Variants in RBM6 observed in about 807,000 individuals in gnomAD.
RBM6 encodes the protein RNA-binding protein 6.
In RBM6, 23 loss-of-function variants were observed where a neutral mutation model predicts 140.4. That is an observed-to-expected ratio of 0.16 (90% confidence interval 0.12 to 0.23). The LOEUF (loss-of-function observed/expected upper bound fraction) is 0.23. Among genes scored for constraint, RBM6 ranks in the 10% least tolerant of loss-of-function variants. RBM6 has a pLI of 1.00. For synonymous variants in RBM6, 439 were observed against 475.6 expected, an observed-to-expected ratio of 0.92 and a Z score of 1.00; for missense variants, 1,139 against 1,386.7, an observed-to-expected ratio of 0.82 and a Z score of 2.84.
At chr3:50,063,978 G>A (rs1202712065) in intron 15 of RBM6, among the ~76,000 whole-genome samples, 1 of 151,868 alleles carries the variant, frequency 6.6e-6, no homozygotes, top group Non-Finnish European at 1.5e-5. Flanking sequence ...CGCCCAGGCT[G>A]GAGTGCAGTG....
rs890801910 is a variant in RBM6, at chr3:50,009,740, G to A, written c.1557+10227G>A. ...ACCTGGCTAATTTTGAGGGGGTAGA[G>A]GGGAGGTACAGATGAGATCTCACTG... On this transcript the variant is annotated intron_variant, in intron 6 of 20. Coordinates refer to ENST00000266022, the MANE Select transcript of RBM6 (RefSeq NM_005777.3). Among the ~76,000 whole-genome samples, 5 of 151,568 alleles carry A rather than the reference G, an allele frequency of 3.3e-5. No individual in the cohort carries two copies. In the South Asian group the frequency reaches 8.4e-4, roughly 25 times the overall value.
At chr3:50,076,914 C>T (rs2090480394) in intron 20 of RBM6, 94 bp from the exon 21 acceptor site, 1 of 1,292,926 alleles carries the variant, frequency 7.7e-7, no homozygotes, top group Admixed American at 2.9e-5. Flanking sequence ...CTATATACTG[C>T]TTCTTACTAG....
chr3:50,034,995 C>T (rs983738634), intron 6 of RBM6, among the ~76,000 whole-genome samples: 1 of 126,752 alleles, frequency 7.9e-6, no homozygotes, highest in Non-Finnish European at 1.6e-5. Context: ...CTCTCCTCTT[C>T]CCTCTCCTCT....
rs547205457 is a variant in RBM6, at chr3:50,054,403, G to A, written c.1693+8G>A. The stretch of plus-strand genomic sequence containing the variant: ...GCAAGAACCCAAGAGAAGGTGAGTG[G>A]CGAAAGTGGTAGCAGTTTTTATCTC... On this transcript the variant is annotated splice_region_variant and intron_variant, in intron 8 of 20. Transcript: ENST00000266022. 3.1e-6 allele frequency: 5 copies of A among 1,607,724 alleles called. No individual in the cohort carries two copies. In the Admixed American group the frequency reaches 6.7e-5, roughly 21 times the overall value.
At chr3:50,002,304 C>T (rs1322722461) in intron 6 of RBM6, among the ~76,000 whole-genome samples, 1 of 151,392 alleles carries the variant, frequency 6.6e-6, no homozygotes, top group Admixed American at 6.6e-5. Flanking sequence ...CTCTGTTGCC[C>T]AGGCTGGAGT....
intron 1 of RBM6, among the ~76,000 whole-genome samples, chr3:49,958,540 C>T (rs2084117876): frequency 6.6e-6 from 1 of 151,742 alleles, no homozygotes; most frequent in Non-Finnish European, 1.5e-5. Flanking sequence ...CACGCCACTG[C>T]ACTCCAGCCT....
intron 6 of RBM6, among the ~76,000 whole-genome samples, chr3:50,046,078 C>T (rs899915520): frequency 6.6e-6 from 1 of 151,048 alleles, no homozygotes; most frequent in Non-Finnish European, 1.5e-5. Context: ...GTCAGGAGTT[C>T]GAGACCAGCC....
intron 3 of RBM6, among the ~76,000 whole-genome samples, chr3:49,970,321 C>G (rs1442723133): frequency 3.9e-5 from 6 of 152,110 alleles, no homozygotes; most frequent in Admixed American, 3.9e-4. Context: ...TTCAAGCAGT[C>G]CCCCCACCTT....
At chr3:49,976,653 A>G (rs2085076445) in intron 5 of RBM6, among the ~76,000 whole-genome samples, 1 of 152,202 alleles carries the variant, frequency 6.6e-6, no homozygotes, top group African/African-American at 2.4e-5. Flanking sequence ...CTGTGCTTTC[A>G]TTAAGTATTG....
At chr3:49,942,547 A>G (rs970808183) in intron 1 of RBM6, among the ~76,000 whole-genome samples, 33 of 151,484 alleles carry the variant, frequency 2.2e-4, no homozygotes, top group Non-Finnish European at 3.8e-4. Flanking sequence ...TACATTCACA[A>G]TGTAGTACAA....
At position 50,062,080 on chromosome 3, in the gene RBM6, A is replaced by G; in HGVS notation, c.2558A>G (p.Lys853Arg). The change falls in exon 15 of 21, where the codon AAG becomes AGG. Residue 853 changes from lysine to arginine, a missense_variant. Around this residue, in one of 9 missense-constraint regions of RBM6, gnomAD observed 163 missense variants for 182.8 expected, o/e 0.89. Transcript: ENST00000266022. ...AAGGAAATGTCTAAAAGAGATGGCA[A>G]GGAGAAAAAAGACAGAGGAGTGACG... ...SKKEMSKRDG[K>R]EKKDRGVTRF... The G allele has an allele frequency of 1.2e-6, 2 of 1,613,842 alleles. No homozygotes were observed. The highest frequency in any genetic ancestry group is 1.7e-6 in the Non-Finnish European group (2 of 1,179,882).
At chr3:50,037,740 G>A (rs911859201) in intron 6 of RBM6, among the ~76,000 whole-genome samples, 2 of 151,942 alleles carry the variant, frequency 1.3e-5, no homozygotes, top group African/African-American at 2.4e-5. Context: ...CTGGGTTCAA[G>A]CAGTTCTCCC....
intron 7 of RBM6, among the ~76,000 whole-genome samples, chr3:50,050,978 T>A (rs573471712): frequency 1.5e-4 from 23 of 152,240 alleles, no homozygotes; most frequent in African/African-American, 5.5e-4. Context: ...TTATCAGATA[T>A]ATGATTTATA....
chr3:50,013,561 G>A (rs887306413), intron 6 of RBM6, among the ~76,000 whole-genome samples: 15 of 152,040 alleles, frequency 9.9e-5, no homozygotes, highest in Non-Finnish European at 2.1e-4. Flanking sequence ...CCAGCTACTC[G>A]GGAGGCTGGA....
chr3:50,023,452 C>G (rs1170996787), intron 6 of RBM6, among the ~76,000 whole-genome samples: 3 of 151,732 alleles, frequency 2.0e-5, no homozygotes, highest in Non-Finnish European at 2.9e-5. Context: ...ATTACAGGTG[C>G]CTGCCACCAC....
At chr3:50,017,059 C>T (rs1284504558) in intron 6 of RBM6, among the ~76,000 whole-genome samples, 1 of 152,098 alleles carries the variant, frequency 6.6e-6, no homozygotes, top group African/African-American at 2.4e-5. Flanking sequence ...CTCCTAGGCT[C>T]AAGTGATCCT....
intron 6 of RBM6, among the ~76,000 whole-genome samples, chr3:50,023,208 T>C (rs1296705897): frequency 1.3e-5 from 2 of 152,098 alleles, no homozygotes; most frequent in African/African-American, 2.4e-5. Flanking sequence ...TCCTCCTCCT[T>C]CTCCTCCTCC....
chr3:50,015,298 G>C (rs1341162277), intron 6 of RBM6, among the ~76,000 whole-genome samples: 2 of 150,834 alleles, frequency 1.3e-5, no homozygotes, highest in African/African-American at 4.9e-5. Context: ...AGCAGAGGCG[G>C]GGTTTCACCA....
At chr3:50,011,122 G>T (rs2086826894) in intron 6 of RBM6, among the ~76,000 whole-genome samples, 1 of 151,878 alleles carries the variant, frequency 6.6e-6, no homozygotes, top group Non-Finnish European at 1.5e-5. Context: ...AGCTACTCAG[G>T]AGGCTGAGAT....
Sources: gnomAD v4.1 joint callset for allele counts (sites outside exome capture counted in the v4.1 genomes callset) on GRCh38, gnomAD v4.1.1 for gene constraint, gnomAD v4.1.1 regional missense constraint, MANE v1.5 for transcripts, NCBI Gene and HGNC (gene_info 2026-07-23, HGNC 2026-07-21) for gene names.